Variants in PDE1C observed in about 807,000 individuals in gnomAD.
PDE1C encodes the protein dual specificity calcium/calmodulin-dependent 3',5'-cyclic nucleotide phosphodiesterase 1C.
Under a neutral mutation model 93.1 loss-of-function variants are expected in PDE1C, and 62 were observed. That is an observed-to-expected ratio of 0.67 (90% CI 0.54 to 0.82). The LOEUF (loss-of-function observed/expected upper bound fraction) is 0.82, where lower values mean the gene tolerates loss of function less well. Among genes scored for constraint, PDE1C ranks in the 40% least tolerant of loss-of-function variants. PDE1C has a pLI of 0.00. For synonymous variants in PDE1C, 325 were observed against 310.1 expected (o/e 1.05, Z -0.50); for missense variants, 742 against 884.6 (o/e 0.84, Z 2.04).
chr7:32,007,671 C>T (rs1392469309), intron 2 of PDE1C, among the ~76,000 whole-genome samples: 1 of 152,204 alleles, frequency 6.6e-6, no homozygotes, highest in Non-Finnish European at 1.5e-5. Context: ...CCCAATTAGC[C>T]TTATTGTTCT....
intron 2 of PDE1C, among the ~76,000 whole-genome samples, chr7:31,974,303 A>C (rs1362433205): frequency 6.6e-6 from 1 of 152,222 alleles, no homozygotes; most frequent in African/African-American, 2.4e-5. Context: ...AAAGCAAAAT[A>C]CAAAAAAATT....
chr7:32,357,434 C>A (rs187031317), intron 1 of PDE1C, among the ~76,000 whole-genome samples: 45 of 152,234 alleles, frequency 3.0e-4, no homozygotes, highest in Admixed American at 2.7e-3. Flanking sequence ...TTTCAGCCAC[C>A]TTTTTAAAAT....
chr7:31,786,628 G>C (rs1171779145), intron 16 of PDE1C: 2 of 152,152 alleles, frequency 1.3e-5, no homozygotes, highest in African/African-American at 4.8e-5. Context: ...TGCGTCTCCT[G>C]TGGGGTGTGT....
chr7:31,897,341 T>C (rs78428274), intron 2 of PDE1C, among the ~76,000 whole-genome samples: 3,674 of 152,328 alleles, frequency 0.024, 77 homozygotes, highest in Non-Finnish European at 0.037. Context: ...CAAATTAAGA[T>C]ACAAAGGTAA....
intron 3 of PDE1C, among the ~76,000 whole-genome samples, chr7:32,144,192 C>T (rs1455448162): frequency 2.6e-5 from 4 of 152,140 alleles, no homozygotes; most frequent in Non-Finnish European, 5.9e-5. Flanking sequence ...GCTCACAAAA[C>T]CAAGCTTTAT....
chr7:32,073,835 T>C (rs1228475903), upstream of PDE1C, among the ~76,000 whole-genome samples: 5 of 152,136 alleles, frequency 3.3e-5, no homozygotes, highest in Non-Finnish European at 4.4e-5. Flanking sequence ...AAGAAACAGA[T>C]GCAAATAGAC....
intron 1 of PDE1C, among the ~76,000 whole-genome samples, chr7:32,223,354 C>T (rs11760534): frequency 0.077 from 11,691 of 152,228 alleles, 596 homozygotes; most frequent in Non-Finnish European, 0.1. Context: ...GGCTTTGTAA[C>T]GGGGAGGCAG....
chr7:32,337,960 C>A (rs936050421), intron 1 of PDE1C, among the ~76,000 whole-genome samples: 1 of 152,064 alleles, frequency 6.6e-6, no homozygotes, highest in Non-Finnish European at 1.5e-5. Flanking sequence ...TTACCTTACA[C>A]GCTCTACAAA....
chr7:32,277,771 G>A (rs766805870), intron 1 of PDE1C, among the ~76,000 whole-genome samples: 11 of 152,140 alleles, frequency 7.2e-5, no homozygotes, highest in African/African-American at 1.2e-4. Context: ...AATCTAAGCA[G>A]AAACCACAAA....
intron 2 of PDE1C, among the ~76,000 whole-genome samples, chr7:31,969,385 G>GA (rs1475977135): frequency 6.6e-6 from 1 of 152,112 alleles, no homozygotes; most frequent in African/African-American, 2.4e-5. Flanking sequence ...AAAAACACAT[G>GA]AAAAAATGCT....
the PDE1C span, among the ~76,000 whole-genome samples, chr7:31,729,291 A>G: frequency 6.6e-6 from 1 of 152,194 alleles, no homozygotes; most frequent in African/African-American, 2.4e-5. Context: ...GCCTTGTGTG[A>G]GGTTAGCTTA....
chr7:32,330,483 C>G (rs906220596), intron 1 of PDE1C, among the ~76,000 whole-genome samples: 5 of 152,262 alleles, frequency 3.3e-5, no homozygotes, highest in African/African-American at 1.2e-4. Flanking sequence ...GATATCATCA[C>G]AGAGTTATAT....
At chr7:32,098,902 C>T (rs1797908806) in intron 3 of PDE1C, among the ~76,000 whole-genome samples, 1 of 152,186 alleles carries the variant, frequency 6.6e-6, no homozygotes, top group African/African-American at 2.4e-5. Flanking sequence ...ACAGGAGTCT[C>T]AGTTTAGGAT....
intron 1 of PDE1C, among the ~76,000 whole-genome samples, chr7:32,291,045 C>T (rs1246403637): frequency 6.6e-6 from 1 of 152,092 alleles, no homozygotes; most frequent in African/African-American, 2.4e-5. Context: ...GTAGAACTTA[C>T]TTTGTACCAG....
the PDE1C span, among the ~76,000 whole-genome samples, chr7:31,729,044 C>G: frequency 6.6e-6 from 1 of 152,136 alleles, no homozygotes; most frequent in Non-Finnish European, 1.5e-5. Context: ...AGGCAGGTGT[C>G]TTTACCTCTT....
chr7:31,643,521 G>A, the PDE1C span: 3 of 1,613,918 alleles, frequency 1.9e-6, no homozygotes, highest in Non-Finnish European at 2.5e-6. Flanking sequence ...CCAGCCTGGT[G>A]TCGGCTGCTC....
At chr7:32,318,579 C>T (rs534731873) in intron 1 of PDE1C, among the ~76,000 whole-genome samples, 1 of 152,252 alleles carries the variant, frequency 6.6e-6, no homozygotes, top group South Asian at 2.1e-4. Context: ...AGGGGACCTG[C>T]GAGCGGGGAG....
intron 1 of PDE1C, among the ~76,000 whole-genome samples, chr7:32,212,311 C>CACCA (rs1806106583): frequency 6.6e-6 from 1 of 152,122 alleles, no homozygotes; most frequent in Non-Finnish European, 1.5e-5. Flanking sequence ...CCTCCCTGCC[C>CACCA]ACCACCCTAT....
the PDE1C span, among the ~76,000 whole-genome samples, chr7:31,622,870 TAAAGAAGAA>T: frequency 6.6e-6 from 1 of 151,932 alleles, no homozygotes; most frequent in East Asian, 1.9e-4. Context: ...GCAAGACTAA[TAAAGAAGAA>T]AAGAGAAGAC....
Sources: allele counts gnomAD v4.1 joint callset (sites outside exome capture counted in the v4.1 genomes callset), GRCh38; gene constraint gnomAD v4.1.1; transcripts MANE v1.5; gene names NCBI Gene and HGNC (gene_info 2026-07-23, HGNC 2026-07-21).